ZNF728: variants seen among roughly 807,000 people sequenced by gnomAD.
ZNF728 encodes zinc finger protein 728.
A neutral mutation model predicts 12.5 loss-of-function variants in ZNF728; 12 were observed. That is an observed-to-expected ratio of 0.96 (90% CI 0.61 to 1.55). The LOEUF (loss-of-function observed/expected upper bound fraction) is 1.55, where lower values mean the gene tolerates loss of function less well. Ranked by LOEUF, ZNF728 falls within the 40% of genes most tolerant of loss-of-function variation. ZNF728 has a pLI of 0.00. For synonymous variants in ZNF728, 205 were observed against 240.7 expected, an observed-to-expected ratio of 0.85 and a Z score of 1.37; for missense variants, 692 against 719.2, an observed-to-expected ratio of 0.96 and a Z score of 0.43.
rs1399842680 is a variant in ZNF728, at chr19:22,976,070, G to A, written c.1267C>T (p.Pro423Ser). The A allele has an allele frequency of 3.1e-6, 5 of 1,612,150 alleles. No homozygotes were observed. Among genetic ancestry groups the A allele is most frequent in the Middle Eastern group, 1.6e-4 (1 of 6,082 alleles). ...KHKIIHTGEK[P>S]YKCEECGKAF... ...TTGCCACATTCTTCACATTTGTAGG[G>A]TTTCTCTCCAGTATGAATTATCTTA... Residue 423 changes from proline to serine, a missense_variant, in exon 4 of 4, where the codon CCC becomes TCC. This residue lies in a region of ZNF728 where 244 missense variants were observed against 235.2 expected (regional missense o/e 1.04). Transcript: ENST00000594710.
intron 3 of ZNF728, among the ~76,000 whole-genome samples, chr19:22,984,964 C>CAT (rs1968900222): frequency 6.6e-6 from 1 of 152,032 alleles, no homozygotes; most frequent in Non-Finnish European, 1.5e-5. Flanking sequence ...GAATGCAACA[C>CAT]ATATATATAC....
intron 1 of ZNF728, among the ~76,000 whole-genome samples, chr19:22,999,650 C>T (rs1969085495): frequency 6.6e-6 from 1 of 152,100 alleles, no homozygotes; most frequent in Non-Finnish European, 1.5e-5. Context: ...GATTCAAAAA[C>T]ATATAAGAAA....
chr19:22,988,196 G>A (rs1038089027), intron 2 of ZNF728, 129 bp downstream of exon 2: 212 of 1,526,108 alleles, frequency 1.4e-4, no homozygotes, highest in East Asian at 1.1e-3. Flanking sequence ...CCCTGGTGCC[G>A]TCTTCCAAAT....
At chr19:22,981,254 C>T (rs1288752422) in intron 3 of ZNF728, among the ~76,000 whole-genome samples, 1 of 152,158 alleles carries the variant, frequency 6.6e-6, no homozygotes, top group African/African-American at 2.4e-5. Context: ...ATAAACATCT[C>T]TAAGCAAATA....
chr19:22,979,171 C>G (rs289315), intron 3 of ZNF728, among the ~76,000 whole-genome samples: 46,528 of 151,994 alleles, frequency 0.31, 9,245 homozygotes, highest in African/African-American at 0.57. Flanking sequence ...GAACATAAAT[C>G]ACCTGATGGA....
intron 1 of ZNF728, among the ~76,000 whole-genome samples, chr19:22,999,288 G>C (rs1213601400): frequency 6.6e-6 from 1 of 151,366 alleles, no homozygotes; most frequent in Non-Finnish European, 1.5e-5. Flanking sequence ...ACATCTAACT[G>C]GTTTATTTTA....
intron 1 of ZNF728, among the ~76,000 whole-genome samples, chr19:22,997,550 C>G (rs1287170293): frequency 6.6e-6 from 1 of 152,042 alleles, no homozygotes; most frequent in Non-Finnish European, 1.5e-5. Flanking sequence ...ATCCTCACAT[C>G]AGAAAGTTAG....
At position 22,975,171 on chromosome 19, in the gene ZNF728, T is replaced by C. The variant is rs577239074; in HGVS notation, c.*297A>G. Among the ~76,000 whole-genome samples, 186 of 152,354 alleles carry C rather than the reference T, an allele frequency of 1.2e-3. 5 individuals are homozygous for C. In the South Asian group the frequency reaches 0.037, roughly 31 times the overall value. On this transcript the variant is annotated 3_prime_UTR_variant, in exon 4 of 4. Transcript: ENST00000594710. ...TTTCTCTCTAGTATGAATTAGCTTA[T>C]GTCTGTTAAGAATTGAGGATCTGTT...
At chr19:22,999,115 C>T (rs1030931968) in intron 1 of ZNF728, among the ~76,000 whole-genome samples, 1 of 152,130 alleles carries the variant, frequency 6.6e-6, no homozygotes, top group African/African-American at 2.4e-5. Flanking sequence ...CTGATTATTT[C>T]ACCCTTCATT....
chr19:22,982,127 T>C (rs970006435), intron 3 of ZNF728, among the ~76,000 whole-genome samples: 3 of 152,166 alleles, frequency 2.0e-5, no homozygotes, highest in Non-Finnish European at 4.4e-5. Flanking sequence ...GAAAACCCCA[T>C]TGTCTCAGCC....
intron 3 of ZNF728, among the ~76,000 whole-genome samples, chr19:22,980,379 A>G (rs1390951762): frequency 2.0e-5 from 3 of 152,196 alleles, no homozygotes; most frequent in Non-Finnish European, 4.4e-5. Flanking sequence ...AGAATCATAA[A>G]GCAAGTTCTT....
At chr19:22,979,865 A>C (rs1968843286) in intron 3 of ZNF728, among the ~76,000 whole-genome samples, 1 of 152,196 alleles carries the variant, frequency 6.6e-6, no homozygotes, top group Non-Finnish European at 1.5e-5. Context: ...GGAAGCACTA[A>C]ACATACAAAG....
chr19:22,986,111 C>T (rs1968914108), intron 3 of ZNF728, among the ~76,000 whole-genome samples: 1 of 152,194 alleles, frequency 6.6e-6, no homozygotes, highest in African/African-American at 2.4e-5. Context: ...ACCCAGAGGG[C>T]ATTCTATCAC....
At chr19:22,985,056 TTC>T (rs1185971577) in intron 3 of ZNF728, among the ~76,000 whole-genome samples, 11 of 152,124 alleles carry the variant, frequency 7.2e-5, no homozygotes, top group Non-Finnish European at 1.6e-4. Context: ...CAATGCAAAT[TTC>T]TGTCACCAAA....
rs1161669680 is a variant in ZNF728, at chr19:22,976,200, C to T, written c.1137G>A (p.Trp379Ter). 1 of 1,611,790 alleles carries T rather than the reference C, an allele frequency of 6.2e-7. No homozygotes were observed. The highest frequency in any genetic ancestry group is 1.3e-5 in the African/African-American group (1 of 74,372). ...TCTTGTGTTCAGTAAGGCTTGAGGG[C>T]CAGCTGAAGGCTTTGCCACATTCTT... ...KCEECGKAFSWPSSLTEHKRI... is the reference protein window; with the variant it reads ...KCEECGKAFS Residue 379 changes from tryptophan to a stop codon, truncating the protein, a stop_gained, in exon 4 of 4, where the codon TGG (tryptophan) becomes TGA (stop). Coordinates refer to ENST00000594710, the MANE Select transcript of ZNF728 (RefSeq NM_001267716.2). LOFTEE classifies it low-confidence loss of function (END_TRUNC).
chr19:22,980,878 C>T (rs536015421), intron 3 of ZNF728, among the ~76,000 whole-genome samples: 8 of 151,982 alleles, frequency 5.3e-5, no homozygotes, highest in African/African-American at 1.9e-4. Flanking sequence ...CAAAGCAGTG[C>T]CTAGAGGAAA....
chr19:22,981,788 A>G (rs1358707780), intron 3 of ZNF728, among the ~76,000 whole-genome samples: 1 of 152,230 alleles, frequency 6.6e-6, no homozygotes, highest in African/African-American at 2.4e-5. Flanking sequence ...CCACATGATT[A>G]TCTCAATAGA....
chr19:22,984,804 A>G (rs1968898618), intron 3 of ZNF728, among the ~76,000 whole-genome samples: 1 of 152,048 alleles, frequency 6.6e-6, no homozygotes. Flanking sequence ...TAGAATTTCA[A>G]AAGACAATAA....
intron 1 of ZNF728, 101 bp from the exon 2 acceptor site, chr19:22,988,552 G>T: frequency 6.6e-7 from 1 of 1,512,632 alleles, no homozygotes; most frequent in South Asian, 1.3e-5. Context: ...AGCTCATTCT[G>T]ACTTACAGGA....
Sources: allele counts gnomAD v4.1 joint callset (sites outside exome capture counted in the v4.1 genomes callset), GRCh38; gene constraint gnomAD v4.1.1; regional missense constraint gnomAD v4.1.1; transcripts MANE v1.5; gene names NCBI Gene and HGNC (gene_info 2026-07-23, HGNC 2026-07-21).